The following WDR27 variants were observed in gnomAD, a reference collection of about 807,000 sequenced individuals.
WDR27 encodes WD repeat-containing protein 27.
In WDR27, 100 loss-of-function variants were observed where a neutral mutation model predicts 114.4. The observed-to-expected ratio is 0.87, with a 90% CI of 0.74 to 1.03. WDR27 has a LOEUF of 1.03. Ranked by LOEUF, WDR27 falls within the 50% of genes least tolerant of loss-of-function variation. WDR27 has a pLI of 0.00. For missense variants in WDR27, 1,129 were observed against 1,092.9 expected (o/e 1.03, Z -0.47); for synonymous variants, 449 against 423.1 (o/e 1.06, Z -0.75).
chr6:169,605,831 A>G (rs1809049288), intron 22 of WDR27, among the ~76,000 whole-genome samples: 2 of 152,186 alleles, frequency 1.3e-5, no homozygotes, highest in Non-Finnish European at 2.9e-5. Flanking sequence ...CTGATCTTTG[A>G]AAGCTGACAA....
chr6:169,636,652 T>C (rs1817718540), intron 18 of WDR27, 148 bp from the exon 19 acceptor site: 1 of 725,242 alleles, frequency 1.4e-6, no homozygotes, highest in African/African-American at 1.8e-5. Context: ...TCTACAATTT[T>C]TGTTTCTGCC....
chr6:169,583,503 A>G (rs1389937617), intron 23 of WDR27, among the ~76,000 whole-genome samples: 4 of 26,384 alleles, frequency 1.5e-4, no homozygotes, highest in South Asian at 1.2e-3. Context: ...ATATATATAT[A>G]TGTATATATA....
rs371952280 is a variant in WDR27, at chr6:169,545,583, T to A, written c.2645+26836A>T. 1.3e-4 allele frequency among the ~76,000 whole-genome samples: 20 copies of A among 152,068 alleles called. No individual in the cohort carries two copies. In the South Asian group the frequency reaches 2.5e-3, roughly 19 times the overall value. On this transcript the variant is annotated intron_variant, in intron 25 of 25. Transcript: ENST00000448612. ...GTCCCAGCTACTCAGGAGGCTAAGG[T>A]CAGAGGATCACTTGAGTCTGGGAGG...
chr6:169,675,030 C>A (rs1381094113), intron 2 of WDR27, among the ~76,000 whole-genome samples: 4 of 152,126 alleles, frequency 2.6e-5, no homozygotes, highest in Non-Finnish European at 5.9e-5. Context: ...ATTTTCACTT[C>A]TTTTGTGGTG....
At position 169,665,522 on chromosome 6, in the gene WDR27, T is replaced by C; in HGVS notation, c.747A>G (p.Glu249=). Residue 249 remains glutamate, a synonymous_variant, in exon 7 of 26, where the codon GAA becomes GAG. Transcript: ENST00000448612. ...YPLLSLFIDA[E]SRQLVTGCAD... ...CACACCCGGTGACCAGCTGCCTGCT[T>C]TCTGCATCAATGAATAAACTGAGAA... 1 of 1,613,820 alleles carries C rather than the reference T, an allele frequency of 6.2e-7. No homozygotes were observed. Among genetic ancestry groups the C allele is most frequent in the South Asian group, 1.1e-5 (1 of 91,052 alleles).
chr6:169,670,433 G>A, intron 4 of WDR27, 136 bp downstream of exon 4: 1 of 910,628 alleles, frequency 1.1e-6, no homozygotes, highest in Non-Finnish European at 1.6e-6. Flanking sequence ...TTTTATAAAA[G>A]TAAACTAAAT....
chr6:169,430,272 G>A, the WDR27 span, among the ~76,000 whole-genome samples: 1 of 152,236 alleles, frequency 6.6e-6, no homozygotes, highest in Non-Finnish European at 1.5e-5. Flanking sequence ...CCTGCTACAG[G>A]GCAAGGGAAG....
intron 25 of WDR27, among the ~76,000 whole-genome samples, chr6:169,487,168 G>A (rs919243997): frequency 1.3e-5 from 2 of 152,154 alleles, no homozygotes; most frequent in Non-Finnish European, 2.9e-5. Context: ...CATCCTCTTC[G>A]GAGGGTTCAT....
chr6:169,541,133 A>G (rs201404292), intron 25 of WDR27, among the ~76,000 whole-genome samples: 2 of 117,014 alleles, frequency 1.7e-5, no homozygotes, highest in Non-Finnish European at 3.4e-5. Context: ...GAAAGGCAAG[A>G]AAAAAAAAAA....
In WDR27 at chr6:169,632,948, T is replaced by G; in HGVS notation, c.2222A>C (p.Lys741Thr). 6.3e-7 allele frequency: 1 copy of G among 1,580,630 alleles called. No homozygotes were observed. The highest frequency in any genetic ancestry group is 1.3e-5 in the African/African-American group (1 of 74,620). The change falls in exon 21 of 26, where the codon AAA (lysine) becomes ACA (threonine). Residue 741 changes from lysine (K) to threonine (T), a missense_variant and splice_region_variant. By Grantham distance (78) the Lys-to-Thr change is moderately conservative (BLOSUM62 -1). Transcript: ENST00000448612. ...SRPVHQICQN[K>T]GSSFTTQQPQ... ...CATGTTATCCAAAAACTTACTCACT[T>G]TATTTTGGCAGATTTGATGGACAGG... is the stretch of plus-strand genomic sequence containing the variant.
intron 25 of WDR27, among the ~76,000 whole-genome samples, chr6:169,510,852 A>T (rs1013785844): frequency 5.3e-5 from 8 of 152,332 alleles, no homozygotes; most frequent in African/African-American, 1.9e-4. Flanking sequence ...ATTTTTATCA[A>T]ACTCTAAATG....
chr6:169,640,444 C>G (rs1368859762), intron 17 of WDR27, among the ~76,000 whole-genome samples: 2 of 152,092 alleles, frequency 1.3e-5, no homozygotes, highest in Non-Finnish European at 2.9e-5. Flanking sequence ...TTGCTGCCCT[C>G]ACGTGTAGAG....
Position 169,649,251 on chromosome 6 carries a change from G to T in WDR27, c.1506C>A (p.Thr502=), listed in dbSNP as rs1346065898. The change falls in exon 15 of 26, where the codon ACC becomes ACA. Residue 502 remains threonine, a synonymous_variant. Transcript: ENST00000448612. ...ATCCTTTCCCCTCACTCTTGATGTT[G>T]GTCTTTGGTGAAAACATAGTTACAC... ...APHVTMFSPK[T]NIKSEGKGSS... The T allele has an allele frequency of 6.3e-7, 1 of 1,575,906 alleles. No individual in the cohort carries two copies. The highest frequency in any genetic ancestry group is 8.6e-7 in the Non-Finnish European group (1 of 1,159,920).
intron 25 of WDR27, among the ~76,000 whole-genome samples, chr6:169,465,408 G>C (rs554535725): frequency 6.6e-6 from 1 of 152,198 alleles, no homozygotes; most frequent in East Asian, 1.9e-4. Context: ...GTGTCAGTGA[G>C]GCTGTGGAGA....
chr6:169,481,946 A>G (rs547827747), intron 25 of WDR27, among the ~76,000 whole-genome samples: 1 of 152,294 alleles, frequency 6.6e-6, no homozygotes, highest in African/African-American at 2.4e-5. Context: ...AATTCCGGAC[A>G]CATTTTCACC....
chr6:169,678,968 C>T (rs1045123139), intron 2 of WDR27, among the ~76,000 whole-genome samples: 2 of 152,168 alleles, frequency 1.3e-5, no homozygotes, highest in African/African-American at 2.4e-5. Flanking sequence ...CTGAAGTCTG[C>T]TATCTGAGAG....
chr6:169,660,504 C>A (rs1351769189), intron 10 of WDR27, among the ~76,000 whole-genome samples, 159 bp downstream of exon 10: 2 of 152,176 alleles, frequency 1.3e-5, no homozygotes, highest in Non-Finnish European at 2.9e-5. Context: ...TCGGATCCAG[C>A]AGCACAGAGG....
the WDR27 span, among the ~76,000 whole-genome samples, chr6:169,430,303 G>A: frequency 6.6e-6 from 1 of 152,210 alleles, no homozygotes; most frequent in South Asian, 2.1e-4. Context: ...CTTTGAACAG[G>A]CCCCACAGTG....
chr6:169,666,620 A>G lies in WDR27; in HGVS notation c.712+516T>C, dbSNP rs536363072. On this transcript the variant is annotated intron_variant, in intron 6 of 25. Coordinates refer to ENST00000448612, the MANE Select transcript of WDR27 (RefSeq NM_182552.5). ...CCGCGGACGGACGCCTGCACCATCA[A>G]TGCTGTAGCTGTGTGGCCGTGTGCC... The G allele has an allele frequency of 7.1e-6, 7 of 985,650 alleles. No individual in the cohort carries two copies. In the African/African-American group the frequency reaches 1.2e-4, roughly 17 times the overall value. 61.1% of individuals were successfully genotyped at this position (985,650 alleles called of 1,614,324 possible).
Sources: gnomAD v4.1 joint callset for allele counts (sites outside exome capture counted in the v4.1 genomes callset) on GRCh38, gnomAD v4.1.1 for gene constraint, MANE v1.5 for transcripts, NCBI Gene and HGNC (gene_info 2026-07-23, HGNC 2026-07-21) for gene names.